CDK6: variants seen among roughly 807,000 people sequenced by gnomAD.
CDK6 encodes cyclin-dependent kinase 6.
In CDK6, 6 loss-of-function variants were observed where a neutral mutation model predicts 37.1. The observed-to-expected ratio is 0.16, with a 90% CI of 0.09 to 0.32. The LOEUF is 0.32. Ranked by LOEUF, CDK6 falls within the 10% of genes least tolerant of loss-of-function variation. CDK6 has a pLI of 1.00. For synonymous variants in CDK6, 160 were observed against 161.3 expected (o/e 0.99, Z 0.06); for missense variants, 224 against 418.9 (o/e 0.53, Z 4.06).
intron 2 of CDK6, among the ~76,000 whole-genome samples, chr7:92,799,151 A>C (rs1212381243): frequency 6.6e-6 from 1 of 152,090 alleles, no homozygotes. Flanking sequence ...CAATTTACTG[A>C]ATGACAGTCT....
chr7:92,702,689 T>C (rs1428329874), intron 4 of CDK6, among the ~76,000 whole-genome samples: 2 of 152,196 alleles, frequency 1.3e-5, no homozygotes, highest in Admixed American at 1.3e-4. Context: ...TCTCCTCCAC[T>C]ACCCACAGAC....
At chr7:92,635,818 T>C (rs1796157571) in intron 5 of CDK6, among the ~76,000 whole-genome samples, 1 of 152,170 alleles carries the variant, frequency 6.6e-6, no homozygotes, top group African/African-American at 2.4e-5. Flanking sequence ...AAGAAAACTT[T>C]ATAGATGATG....
chr7:92,747,069 A>G (rs903543681), intron 3 of CDK6, among the ~76,000 whole-genome samples: 2 of 152,164 alleles, frequency 1.3e-5, no homozygotes, highest in African/African-American at 2.4e-5. Flanking sequence ...TGCAGCCACA[A>G]GTTATTGCAG....
chr7:92,832,981 C>G (rs1801530360), intron 2 of CDK6, 110 bp downstream of exon 2: 1 of 733,446 alleles, frequency 1.4e-6, no homozygotes, highest in African/African-American at 1.8e-5. Flanking sequence ...TCGCGCAGGA[C>G]CTCCCCAGTC....
intron 2 of CDK6, among the ~76,000 whole-genome samples, chr7:92,809,863 G>C (rs2115935294): frequency 6.6e-6 from 1 of 152,296 alleles, no homozygotes; most frequent in Non-Finnish European, 1.5e-5. Context: ...TGGCTGAAAA[G>C]AGAAACCAGG....
chr7:92,653,867 A>G (rs1796631384), intron 5 of CDK6, among the ~76,000 whole-genome samples: 1 of 152,156 alleles, frequency 6.6e-6, no homozygotes, highest in South Asian at 2.1e-4. Flanking sequence ...TTGACCTCCA[A>G]AATGCTGGGA....
intron 5 of CDK6, among the ~76,000 whole-genome samples, chr7:92,654,370 A>C (rs1796642803): frequency 6.6e-6 from 1 of 152,054 alleles, no homozygotes; most frequent in Non-Finnish European, 1.5e-5. Context: ...AAAAGTTACA[A>C]TCATTTTTTC....
rs537160306 is a variant in CDK6 at position 92,698,157 on chromosome 7, G to A, written c.538-26622C>T. Reference sequence around the variant, plus strand: ...TTAAAAAGTTTTCAGCTTAGACTCCGTTTTCTGAAGCAGCTTCTATGAACT... The same window carrying A: ...TTAAAAAGTTTTCAGCTTAGACTCCATTTTCTGAAGCAGCTTCTATGAACT... On this transcript the variant is annotated intron_variant, in intron 4 of 7. Coordinates refer to ENST00000424848, the MANE Select transcript of CDK6 (RefSeq NM_001145306.2). Among the ~76,000 whole-genome samples the A allele has an allele frequency of 4.6e-5, 7 of 152,198 alleles. No individual in the cohort carries two copies. The East Asian group carries it at 5.8e-4, about 13-fold the overall frequency.
intron 4 of CDK6, among the ~76,000 whole-genome samples, chr7:92,720,309 C>T (rs895618574): frequency 1.3e-5 from 2 of 152,146 alleles, no homozygotes; most frequent in African/African-American, 4.8e-5. Flanking sequence ...CTCTTGGGTA[C>T]TGAATTTTTG....
intron 3 of CDK6, among the ~76,000 whole-genome samples, chr7:92,732,521 T>G (rs1798673966): frequency 6.6e-6 from 1 of 152,234 alleles, no homozygotes; most frequent in Admixed American, 6.5e-5. Flanking sequence ...TTCCCCTCAC[T>G]CTGTACTTCC....
At chr7:92,692,762 TGAA>T (rs1291072120) in intron 4 of CDK6, among the ~76,000 whole-genome samples, 1 of 152,134 alleles carries the variant, frequency 6.6e-6, no homozygotes, top group African/African-American at 2.4e-5. Flanking sequence ...CACTCCAGCC[TGAA>T]TTATGGAGTA....
intron 4 of CDK6, among the ~76,000 whole-genome samples, chr7:92,705,142 C>T (rs1236015069): frequency 6.6e-6 from 1 of 152,144 alleles, no homozygotes; most frequent in African/African-American, 2.4e-5. Flanking sequence ...GCATCTCGGG[C>T]ATTCCTTTTG....
chr7:92,734,735 C>T (rs559025426), intron 3 of CDK6, among the ~76,000 whole-genome samples: 163 of 152,276 alleles, frequency 1.1e-3, no homozygotes, highest in Non-Finnish European at 1.8e-3. Context: ...GTTTGGATTA[C>T]GGGATAGGGA....
In CDK6 at chr7:92,613,891, A is replaced by G. The variant is rs76922652; in HGVS notation, c.*1249T>C. On this transcript the variant is annotated 3_prime_UTR_variant, in exon 8 of 8. Transcript: ENST00000424848. Reference sequence around the variant, plus strand: ...GTTTGCAGAATCGAGGCCATAAACCATAAGCTGAGACTGCGAATTTATGAA... The same window carrying G: ...GTTTGCAGAATCGAGGCCATAAACCGTAAGCTGAGACTGCGAATTTATGAA... The G allele has an allele frequency of 8.6e-6, 2 of 233,284 alleles. No homozygotes were observed. The highest frequency in any genetic ancestry group is 6.0e-5 in the East Asian group (1 of 16,574). 14.5% of individuals were successfully genotyped at this position (233,284 alleles called of 1,614,324 possible). A position where few individuals can be genotyped will look rare whatever the true frequency, so the allele number is the denominator to read the frequency against.
At chr7:92,829,794 C>A in intron 2 of CDK6, among the ~76,000 whole-genome samples, 1 of 152,098 alleles carries the variant, frequency 6.6e-6, no homozygotes, top group East Asian at 1.9e-4. Flanking sequence ...ATCAGTTGTT[C>A]TATAAAACTG....
intron 7 of CDK6, among the ~76,000 whole-genome samples, chr7:92,616,268 T>C (rs1165768469): frequency 1.3e-5 from 2 of 152,196 alleles, no homozygotes; most frequent in South Asian, 2.1e-4. Context: ...ATGATATTAA[T>C]AGGACTCCTG....
chr7:92,688,748 G>A (rs1213281996), intron 4 of CDK6, among the ~76,000 whole-genome samples: 1 of 152,072 alleles, frequency 6.6e-6, no homozygotes, highest in East Asian at 1.9e-4. Flanking sequence ...GTTTTTACTA[G>A]ATTTCTTCTA....
intron 4 of CDK6, among the ~76,000 whole-genome samples, chr7:92,683,244 T>C (rs537796557): frequency 6.0e-4 from 92 of 152,340 alleles, no homozygotes; most frequent in African/African-American, 2.2e-3. Flanking sequence ...GGCCACATTA[T>C]TACTCAGATT....
intron 3 of CDK6, among the ~76,000 whole-genome samples, chr7:92,768,672 G>C (rs183368094): frequency 6.6e-6 from 1 of 152,156 alleles, no homozygotes; most frequent in East Asian, 1.9e-4. Context: ...TTCTTGCCTT[G>C]TTTTTGGGAT....
Sources: allele counts gnomAD v4.1 joint callset (sites outside exome capture counted in the v4.1 genomes callset), GRCh38; gene constraint gnomAD v4.1.1; transcripts MANE v1.5; gene names NCBI Gene and HGNC (gene_info 2026-07-23, HGNC 2026-07-21).